The following ELAPOR1 variants were observed in gnomAD, a reference collection of about 807,000 sequenced individuals.
ELAPOR1 encodes endosome-lysosome associated apoptosis and autophagy regulator 1, also known as endosome/lysosome-associated apoptosis and autophagy regulator 1.
In ELAPOR1, 77 loss-of-function variants were observed where a neutral mutation model predicts 119.7. The observed-to-expected ratio is 0.64, with a 90% CI of 0.54 to 0.78. ELAPOR1 has a LOEUF of 0.78. Ranked by LOEUF, ELAPOR1 falls within the 30% of genes least tolerant of loss-of-function variation. The probability of loss-of-function intolerance (pLI) is 0.00; values close to 1 mark genes in which losing one functional copy is unlikely to be tolerated. For missense variants in ELAPOR1, 1,115 were observed against 1,270.4 expected, an observed-to-expected ratio of 0.88 and a Z score of 1.86; for synonymous variants, 481 against 487.2, an observed-to-expected ratio of 0.99 and a Z score of 0.17.
At chr1:109,142,243 A>T (rs985205054) in intron 1 of ELAPOR1, among the ~76,000 whole-genome samples, 9 of 152,212 alleles carry the variant, frequency 5.9e-5, no homozygotes, top group South Asian at 4.1e-4. Flanking sequence ...AAAGAGTTGA[A>T]CTGAGCTTTA....
intron 20 of ELAPOR1, among the ~76,000 whole-genome samples, 197 bp from the exon 21 acceptor site, chr1:109,200,538 A>C (rs1654104127): frequency 6.6e-6 from 1 of 152,222 alleles, no homozygotes. Flanking sequence ...AGAAACAGAC[A>C]GCCTTAAGGA....
At chr1:109,122,743 G>A (rs1040168548) in intron 1 of ELAPOR1, among the ~76,000 whole-genome samples, 1 of 152,080 alleles carries the variant, frequency 6.6e-6, no homozygotes. Context: ...GATCACTTGA[G>A]CTCAGGGGTT....
At chr1:109,160,928 G>A (rs928397296) in intron 1 of ELAPOR1, among the ~76,000 whole-genome samples, 2 of 152,144 alleles carry the variant, frequency 1.3e-5, no homozygotes, top group African/African-American at 4.8e-5. Flanking sequence ...GCTTGATTTG[G>A]TTGTTTTGTT....
intron 1 of ELAPOR1, among the ~76,000 whole-genome samples, chr1:109,126,544 G>A (rs963493843): frequency 6.6e-6 from 1 of 151,818 alleles, no homozygotes; most frequent in Non-Finnish European, 1.5e-5. Flanking sequence ...AATCTCAGCT[G>A]GCTGCAACAT....
chr1:109,136,487 C>T (rs1295589392), intron 1 of ELAPOR1, among the ~76,000 whole-genome samples: 2 of 152,086 alleles, frequency 1.3e-5, no homozygotes, highest in Non-Finnish European at 2.9e-5. Flanking sequence ...CAGAACTGTG[C>T]GACAACAAAT....
At chr1:109,164,781 G>C (rs892359218) in intron 3 of ELAPOR1, 90 bp downstream of exon 3, 3 of 1,292,908 alleles carry the variant, frequency 2.3e-6, no homozygotes, top group Non-Finnish European at 3.2e-6. Context: ...TGCCCCTCAG[G>C]CTGGGCAGGG....
chr1:109,133,515 A>T (rs934484065), intron 1 of ELAPOR1, among the ~76,000 whole-genome samples: 1 of 152,176 alleles, frequency 6.6e-6, no homozygotes, highest in Admixed American at 6.5e-5. Context: ...TTGCAGAGAG[A>T]TTCACCAATT....
intron 7 of ELAPOR1, among the ~76,000 whole-genome samples, chr1:109,178,203 G>A (rs1652471352): frequency 6.6e-6 from 1 of 152,008 alleles, no homozygotes. Flanking sequence ...TAGAGACGGG[G>A]TTTCACCATC....
intron 1 of ELAPOR1, among the ~76,000 whole-genome samples, chr1:109,129,381 A>T (rs1339106153): frequency 1.3e-5 from 2 of 152,228 alleles, no homozygotes; most frequent in East Asian, 3.9e-4. Context: ...GTGGTGGCAC[A>T]CGCCTGTAAT....
chr1:109,188,702 A>G (rs1339230308), intron 9 of ELAPOR1, among the ~76,000 whole-genome samples: 2 of 152,206 alleles, frequency 1.3e-5, no homozygotes, highest in Non-Finnish European at 2.9e-5. Context: ...ACCAAAACCT[A>G]TAAGCCATGC....
At chr1:109,157,730 C>G (rs754692677) in intron 1 of ELAPOR1, among the ~76,000 whole-genome samples, 1 of 152,178 alleles carries the variant, frequency 6.6e-6, no homozygotes, top group Non-Finnish European at 1.5e-5. Flanking sequence ...ATGAAAGAGG[C>G]TAACCCAGTC....
At chr1:109,173,427 G>A (rs759832102) in intron 5 of ELAPOR1, 47 bp from the exon 6 acceptor site, 16 of 1,523,166 alleles carry the variant, frequency 1.1e-5, no homozygotes, top group South Asian at 4.5e-5. Context: ...ACAGATTAGC[G>A]AGATTTTTCT....
intron 21 of ELAPOR1, among the ~76,000 whole-genome samples, chr1:109,202,464 A>T (rs1466242160): frequency 1.4e-5 from 2 of 144,908 alleles, no homozygotes; most frequent in Non-Finnish European, 3.0e-5. Flanking sequence ...TTTTTGAGAC[A>T]GAGTTTCGCT....
intron 1 of ELAPOR1, among the ~76,000 whole-genome samples, chr1:109,159,312 T>C (rs1651097544): frequency 6.6e-6 from 1 of 152,166 alleles, no homozygotes; most frequent in Non-Finnish European, 1.5e-5. Context: ...GAGCATATAT[T>C]GAAAGGGAAA....
Position 109,203,044 on chromosome 1 carries a change from C to T in ELAPOR1, c.*32C>T, listed in dbSNP as rs541796651. The T allele has an allele frequency of 2.7e-6, 4 of 1,490,010 alleles. No individual in the cohort carries two copies. The South Asian group carries it at 3.4e-5, about 13-fold the overall frequency. The allele number at this position is 1,490,010 out of a possible 1,614,324, so 92.3% of individuals were successfully genotyped here. On this transcript the variant is annotated 3_prime_UTR_variant, in exon 22 of 22. Coordinates refer to ENST00000369939, the MANE Select transcript of ELAPOR1 (RefSeq NM_020775.5). ...CTGCCTGCCTCACCTGCCTCCTCAC[C>T]TTGCATAGCACCTTTGCAAGCCTGC...
intron 15 of ELAPOR1, among the ~76,000 whole-genome samples, chr1:109,195,713 T>G (rs1002191918): frequency 2.0e-5 from 3 of 152,228 alleles, no homozygotes; most frequent in Non-Finnish European, 2.9e-5. Flanking sequence ...AAATGCTTTA[T>G]AAGGAAAGAT....
intron 1 of ELAPOR1, among the ~76,000 whole-genome samples, chr1:109,149,964 G>A (rs954330896): frequency 3.3e-5 from 5 of 152,322 alleles, no homozygotes; most frequent in East Asian, 1.9e-4. Flanking sequence ...GCCGGGCCCC[G>A]AGCCTGGCAC....
chr1:109,171,659 T>C (rs578219015), intron 3 of ELAPOR1, among the ~76,000 whole-genome samples: 2 of 152,316 alleles, frequency 1.3e-5, no homozygotes, highest in South Asian at 4.1e-4. Flanking sequence ...CTGTCTGCCT[T>C]CCTCTTCTTA....
chr1:109,142,173 A>G (rs1159189324), intron 1 of ELAPOR1, among the ~76,000 whole-genome samples: 3 of 152,182 alleles, frequency 2.0e-5, no homozygotes, highest in African/African-American at 7.2e-5. Context: ...AGTTGATTGA[A>G]TTCTGGCACT....
Sources: allele counts gnomAD v4.1 joint callset (sites outside exome capture counted in the v4.1 genomes callset), GRCh38; gene constraint gnomAD v4.1.1; transcripts MANE v1.5; gene names NCBI Gene and HGNC (gene_info 2026-07-23, HGNC 2026-07-21).